The following OPHN1 variants were observed in gnomAD, a reference collection of about 807,000 sequenced individuals.
OPHN1 encodes oligophrenin-1.
In OPHN1, 11 loss-of-function variants were observed where a neutral mutation model predicts 60.7. The observed-to-expected ratio is 0.18, with a 90% CI of 0.11 to 0.30. The LOEUF is 0.30. Ranked by LOEUF, OPHN1 falls within the 10% of genes least tolerant of loss-of-function variation. The probability of loss-of-function intolerance (pLI) is 1.00; values close to 1 mark genes in which losing one functional copy is unlikely to be tolerated. For missense variants in OPHN1, 449 were observed against 611.0 expected (o/e 0.73, Z 2.80); for synonymous variants, 226 against 222.6 (o/e 1.02, Z -0.14).
At chrX:68,190,558 T>C (rs2147452333) in intron 15 of OPHN1, among the ~76,000 whole-genome samples, 1 of 112,188 alleles carries the variant, frequency 8.9e-6, no homozygotes, top group South Asian at 3.7e-4. Context: ...ATAAATGAAA[T>C]ACACCAACTC....
rs762302651 is a variant in OPHN1, at chrX:68,372,873, G to A, written c.154+59994C>T. Among the ~76,000 whole-genome samples the A allele has an allele frequency of 7.3e-5, 8 of 110,264 alleles. No individual in the cohort carries two copies. The South Asian group carries it at 2.4e-3, about 33-fold the overall frequency. On this transcript the variant is annotated intron_variant, in intron 2 of 24. Coordinates refer to ENST00000355520, the MANE Select transcript of OPHN1 (RefSeq NM_002547.3). ...CTTGCACATGCTTGTCACAAAAAAC[G>A]TATTCACCTAGGATCTCAAAACACT...
At chrX:68,292,161 C>G (rs187233266) in intron 3 of OPHN1, among the ~76,000 whole-genome samples, 225 of 111,501 alleles carry the variant, frequency 2.0e-3, no homozygotes, top group African/African-American at 7.2e-3. Context: ...CCTCAGCCTC[C>G]TGAGTACCTG....
chrX:68,432,565 G>T (rs1223223778), intron 2 of OPHN1, among the ~76,000 whole-genome samples: 1 of 111,943 alleles, frequency 8.9e-6, no homozygotes, highest in African/African-American at 3.2e-5. Flanking sequence ...CAGTACAGCA[G>T]ATTGTCCCTT....
intron 10 of OPHN1, among the ~76,000 whole-genome samples, chrX:68,202,213 T>C (rs1268760582): frequency 8.9e-6 from 1 of 111,853 alleles, no homozygotes; most frequent in African/African-American, 3.3e-5. Context: ...CTAGACTCTT[T>C]AGGATGACAG....
chrX:68,293,698 T>A (rs2078080638), intron 3 of OPHN1, among the ~76,000 whole-genome samples: 1 of 111,470 alleles, frequency 9.0e-6, no homozygotes, highest in Non-Finnish European at 1.9e-5. Context: ...AGATTGAAAT[T>A]TGAAGTTAAA....
chrX:68,061,225 C>G (rs951238711), intron 21 of OPHN1, among the ~76,000 whole-genome samples: 4 of 112,023 alleles, frequency 3.6e-5, no homozygotes, highest in Admixed American at 9.5e-5. Context: ...TAGGCTGATA[C>G]TGAACAAGTC....
At chrX:68,133,891 T>C (rs913771443) in intron 15 of OPHN1, among the ~76,000 whole-genome samples, 45 of 111,657 alleles carry the variant, frequency 4.0e-4, no homozygotes, top group African/African-American at 1.3e-3. Flanking sequence ...AAACATTTGC[T>C]TGGCCGGGCG....
intron 2 of OPHN1, among the ~76,000 whole-genome samples, chrX:68,327,986 C>T (rs1387790154): frequency 6.0e-5 from 6 of 100,643 alleles, no homozygotes; most frequent in African/African-American, 2.3e-4. Flanking sequence ...CCCGCCACCG[C>T]GCCCGGCTAA....
At chrX:68,166,114 A>G (rs1392402413) in intron 15 of OPHN1, among the ~76,000 whole-genome samples, 1 of 112,687 alleles carries the variant, frequency 8.9e-6, no homozygotes, top group African/African-American at 3.2e-5. Flanking sequence ...AAGAAAACAT[A>G]TTGGTAAAAA....
chrX:68,420,096 T>C (rs1322372130), intron 2 of OPHN1, among the ~76,000 whole-genome samples: 1 of 111,728 alleles, frequency 9.0e-6, no homozygotes, highest in Non-Finnish European at 1.9e-5. Context: ...ACTTCTCTAA[T>C]GCTGTTCTCC....
In OPHN1 at chrX:68,412,819, A is replaced by G. The variant is rs186979638; in HGVS notation, c.154+20048T>C. 5.1e-4 allele frequency among the ~76,000 whole-genome samples: 57 copies of G among 111,982 alleles called. 1 individual carries two copies. The Admixed American group carries it at 5.5e-3, about 11-fold the overall frequency. On this transcript the variant is annotated intron_variant, in intron 2 of 24. Transcript: ENST00000355520. ...GAAAGACACTAGACCCATCTCAGCT[A>G]TATACTTGGGGCCTGAAAAGGGAAG...
chrX:68,345,963 CA>C (rs754994485), intron 2 of OPHN1, among the ~76,000 whole-genome samples: 1 of 110,965 alleles, frequency 9.0e-6, no homozygotes, highest in Non-Finnish European at 1.9e-5. Flanking sequence ...CCCGTCTCTA[CA>C]AAAAAATATG....
At chrX:68,317,719 A>G (rs375878777) in intron 2 of OPHN1, among the ~76,000 whole-genome samples, 11 of 109,760 alleles carry the variant, frequency 1.0e-4, no homozygotes, top group African/African-American at 3.6e-4. Flanking sequence ...GAAAGAAAAG[A>G]AAAGAAAAGA....
chrX:68,338,150 G>A (rs1225431173), intron 2 of OPHN1, among the ~76,000 whole-genome samples: 1 of 111,513 alleles, frequency 9.0e-6, no homozygotes. Flanking sequence ...GAGCCACCAC[G>A]CCCAGCCAGT....
chrX:68,064,991 G>T (rs1209726806), intron 20 of OPHN1, among the ~76,000 whole-genome samples: 1 of 110,699 alleles, frequency 9.0e-6, no homozygotes, highest in Non-Finnish European at 1.9e-5. Context: ...AGGGCCTGTT[G>T]TGAGGTGGGC....
intron 2 of OPHN1, among the ~76,000 whole-genome samples, chrX:68,393,885 G>GTTTTT (rs1163192446): frequency 0.18 from 6,222 of 34,482 alleles, 2,155 homozygotes; most frequent in East Asian, 0.36. Context: ...AATAGACTTT[G>GTTTTT]TTTTTTTTTT....
In OPHN1 at chrX:68,349,380, A is replaced by G. The variant is rs762809948; in HGVS notation, c.155-50284T>C. On this transcript the variant is annotated intron_variant, in intron 2 of 24. Transcript: ENST00000355520. Reference sequence around the variant, plus strand: ...GAGATACCATCTCACACCAGTTAGAATGGTGATCATTAAAAAGTCAGGAAA... The same window carrying G: ...GAGATACCATCTCACACCAGTTAGAGTGGTGATCATTAAAAAGTCAGGAAA... 3.6e-5 allele frequency among the ~76,000 whole-genome samples: 4 copies of G among 111,949 alleles called. No individual in the cohort carries two copies. In the East Asian group the frequency reaches 8.5e-4, roughly 24 times the overall value.
intron 15 of OPHN1, among the ~76,000 whole-genome samples, chrX:68,169,236 A>C (rs1352352622): frequency 2.7e-5 from 3 of 111,157 alleles, no homozygotes; most frequent in Non-Finnish European, 3.8e-5. Context: ...ACGTGAAGGA[A>C]CTCTTCAAGG....
At chrX:68,126,464 A>C (rs754180598) in intron 15 of OPHN1, among the ~76,000 whole-genome samples, 1 of 108,739 alleles carries the variant, frequency 9.2e-6, no homozygotes, top group East Asian at 2.9e-4. Flanking sequence ...TTTTTTTTTG[A>C]GACAGAGTCT....
Sources: allele counts gnomAD v4.1 joint callset (sites outside exome capture counted in the v4.1 genomes callset), GRCh38; gene constraint gnomAD v4.1.1; transcripts MANE v1.5; gene names NCBI Gene and HGNC (gene_info 2026-07-23, HGNC 2026-07-21).